PAK5: variants seen among roughly 807,000 people sequenced by gnomAD.
PAK5 encodes p21 (RAC1) activated kinase 5.
A neutral mutation model predicts 65.9 loss-of-function variants in PAK5; 16 were observed. The observed-to-expected ratio is 0.24, with a 90% confidence interval of 0.16 to 0.37. The LOEUF is 0.37. Among genes scored for constraint, PAK5 ranks in the 10% least tolerant of loss-of-function variants. The pLI, the probability that PAK5 is intolerant of heterozygous loss-of-function variation, is 1.00. For synonymous variants in PAK5, 371 were observed against 354.9 expected (o/e 1.05, Z -0.51); for missense variants, 785 against 903.9 (o/e 0.87, Z 1.69).
chr20:9,796,385 G>T (rs945207947), intron 1 of PAK5, among the ~76,000 whole-genome samples: 2 of 152,050 alleles, frequency 1.3e-5, no homozygotes, highest in Non-Finnish European at 2.9e-5. Flanking sequence ...AGGCATCAAA[G>T]CAAAGGGAAC....
intron 3 of PAK5, among the ~76,000 whole-genome samples, chr20:9,628,770 T>C (rs1394259564): frequency 6.6e-6 from 1 of 152,158 alleles, no homozygotes; most frequent in Non-Finnish European, 1.5e-5. Flanking sequence ...TTCCTATCCA[T>C]GCTGAAGTTT....
chr20:9,636,961 A>G (rs1316365965), intron 3 of PAK5, among the ~76,000 whole-genome samples: 3 of 152,092 alleles, frequency 2.0e-5, no homozygotes, highest in Non-Finnish European at 4.4e-5. Context: ...AGTTTATATT[A>G]TATCTATTAA....
chr20:9,725,889 A>G (rs2048271716), intron 1 of PAK5, among the ~76,000 whole-genome samples: 1 of 152,210 alleles, frequency 6.6e-6, no homozygotes, highest in African/African-American at 2.4e-5. Context: ...ATGTGCCATT[A>G]CAAATAACAA....
chr20:9,820,511 C>T (rs2049407042), intron 1 of PAK5, among the ~76,000 whole-genome samples: 1 of 152,164 alleles, frequency 6.6e-6, no homozygotes, highest in South Asian at 2.1e-4. Context: ...AGATGTAAGT[C>T]TCAGTAGGTC....
intron 2 of PAK5, among the ~76,000 whole-genome samples, chr20:9,666,505 A>G (rs554532267): frequency 6.6e-6 from 1 of 152,064 alleles, no homozygotes; most frequent in Non-Finnish European, 1.5e-5. Flanking sequence ...CAAGTAGGAA[A>G]TACTACCGTG....
chr20:9,620,647 G>C (rs575015925), intron 3 of PAK5, among the ~76,000 whole-genome samples: 1 of 152,298 alleles, frequency 6.6e-6, no homozygotes, highest in East Asian at 1.9e-4. Context: ...GGGGACCCAA[G>C]ACCGTGAACT....
intron 3 of PAK5, among the ~76,000 whole-genome samples, chr20:9,631,605 A>C (rs1411398913): frequency 6.6e-6 from 1 of 152,192 alleles, no homozygotes; most frequent in Non-Finnish European, 1.5e-5. Flanking sequence ...TGAAACCTTG[A>C]GCAAGAAGAT....
chr20:9,606,243 C>G (rs2046451914), intron 3 of PAK5, among the ~76,000 whole-genome samples: 1 of 152,180 alleles, frequency 6.6e-6, no homozygotes, highest in Non-Finnish European at 1.5e-5. Context: ...GCCCTCTCTT[C>G]CTCCTGCTCT....
chr20:9,812,788 T>A (rs1028434080), intron 1 of PAK5, among the ~76,000 whole-genome samples: 1 of 152,180 alleles, frequency 6.6e-6, no homozygotes, highest in Non-Finnish European at 1.5e-5. Flanking sequence ...ATTTATTGTA[T>A]ATTTCAAATT....
intron 1 of PAK5, among the ~76,000 whole-genome samples, chr20:9,733,027 T>A (rs964074460): frequency 1.3e-5 from 2 of 152,226 alleles, no homozygotes; most frequent in Non-Finnish European, 2.9e-5. Flanking sequence ...GACACTAATT[T>A]GTGTCTGGAA....
At chr20:9,759,666 A>G (rs2048675945) in intron 1 of PAK5, among the ~76,000 whole-genome samples, 1 of 152,114 alleles carries the variant, frequency 6.6e-6, no homozygotes, top group South Asian at 2.1e-4. Flanking sequence ...CCTGTGGTAC[A>G]AGGTCGAAAA....
chr20:9,805,974 T>A (rs1433201648), intron 1 of PAK5, among the ~76,000 whole-genome samples: 1 of 152,038 alleles, frequency 6.6e-6, no homozygotes, highest in African/African-American at 2.4e-5. Flanking sequence ...AGATTTTACA[T>A]CTGTTTTTGA....
At chr20:9,797,555 T>C (rs1255433484) in intron 1 of PAK5, among the ~76,000 whole-genome samples, 4 of 150,478 alleles carry the variant, frequency 2.7e-5, no homozygotes, top group Non-Finnish European at 5.9e-5. Context: ...AAATGACGAG[T>C]TAATGGGTGC....
chr20:9,721,653 C>CAAAAAAA (rs144378083), intron 1 of PAK5, among the ~76,000 whole-genome samples: 4 of 65,556 alleles, frequency 6.1e-5, no homozygotes, highest in Admixed American at 2.2e-4. Context: ...GACTCCATCT[C>CAAAAAAA]AAAAAAAAAA....
At chr20:9,638,314 T>G (rs879473579) in intron 3 of PAK5, among the ~76,000 whole-genome samples, 1 of 152,182 alleles carries the variant, frequency 6.6e-6, no homozygotes, top group African/African-American at 2.4e-5. Flanking sequence ...AAAGGGAACC[T>G]CCCCCTTGGG....
chr20:9,715,611 G>C (rs1397469785), intron 1 of PAK5, among the ~76,000 whole-genome samples: 1 of 151,894 alleles, frequency 6.6e-6, no homozygotes, highest in Admixed American at 6.6e-5. Context: ...GTTTATTGCG[G>C]CACTATTCAC....
At chr20:9,724,144 A>T (rs1259374157) in intron 1 of PAK5, among the ~76,000 whole-genome samples, 3 of 152,210 alleles carry the variant, frequency 2.0e-5, no homozygotes, top group Non-Finnish European at 4.4e-5. Context: ...ATTTACTTCC[A>T]CAAGCACATT....
chr20:9,721,653 C>CAAAA (rs144378083), intron 1 of PAK5, among the ~76,000 whole-genome samples: 10 of 65,558 alleles, frequency 1.5e-4, no homozygotes, highest in African/African-American at 1.9e-4. Context: ...GACTCCATCT[C>CAAAA]AAAAAAAAAA....
At chr20:9,583,849 G>C (rs995444797) in intron 3 of PAK5, among the ~76,000 whole-genome samples, 2 of 152,122 alleles carry the variant, frequency 1.3e-5, no homozygotes, top group Non-Finnish European at 2.9e-5. Context: ...GTCTATTCCA[G>C]AATATCATAT....
Sources: gnomAD v4.1 joint callset for allele counts (sites outside exome capture counted in the v4.1 genomes callset) on GRCh38, gnomAD v4.1.1 for gene constraint, MANE v1.5 for transcripts, NCBI Gene and HGNC (gene_info 2026-07-23, HGNC 2026-07-21) for gene names.